The following TNS1 variants were observed in gnomAD, a reference collection of about 807,000 sequenced individuals.
TNS1 encodes the protein tensin 1, also known as tensin-1.
TNS1 carries 62 observed loss-of-function variants against 168.6 expected under a neutral mutation model. That is an observed-to-expected ratio of 0.37 (90% CI 0.30 to 0.45). The LOEUF is 0.45. Ranked by LOEUF, TNS1 falls within the 20% of genes least tolerant of loss-of-function variation. The probability of loss-of-function intolerance (pLI) is 1.00; values close to 1 mark genes in which losing one functional copy is unlikely to be tolerated. For missense variants in TNS1, 2,240 were observed against 2,339.4 expected, an observed-to-expected ratio of 0.96 and a Z score of 0.88; for synonymous variants, 934 against 933.2, an observed-to-expected ratio of 1.00 and a Z score of -0.02.
chr2:217,957,228 C>T (rs760987977), intron 3 of TNS1, among the ~76,000 whole-genome samples: 1 of 152,134 alleles, frequency 6.6e-6, no homozygotes, highest in Non-Finnish European at 1.5e-5. Context: ...GGCAGCCTTA[C>T]ATGGACATCT....
rs1221368868 is a variant in TNS1 at position 217,818,360 on chromosome 2, T to C, written c.3972A>G (p.Pro1324=). Residue 1324 remains proline, a synonymous_variant, in exon 24 of 33, where the codon CCA becomes CCG. Coordinates refer to ENST00000682258, the MANE Select transcript of TNS1 (RefSeq NM_001387777.1). ...PSLSHHQMMG[P]PGTGFHGSTV... is the part of the protein sequence containing the mutation. ...TGCTACCATGGAAGCCAGTGCCTGG[T>C]GGACCCATCATCTGGTGATGGCTCA... 1.9e-6 allele frequency: 3 copies of C among 1,614,182 alleles called. No homozygotes were observed. Among genetic ancestry groups the C allele is most frequent in the Non-Finnish European group, 2.5e-6 (3 of 1,180,042 alleles).
intron 1 of TNS1, chr2:217,992,324 T>C (rs1362189763): frequency 6.6e-6 from 1 of 152,198 alleles, no homozygotes; most frequent in Non-Finnish European, 1.5e-5. Context: ...CACAGAGACA[T>C]GATCCCAGCC....
intron 23 of TNS1, among the ~76,000 whole-genome samples, chr2:217,820,690 G>A (rs866987881): frequency 7.2e-5 from 11 of 152,078 alleles, no homozygotes; most frequent in African/African-American, 2.4e-4. Context: ...CCTGGCACTC[G>A]ATGCCTTGCC....
chr2:218,024,288 CAAAG>C (rs1336963824), intron 1 of TNS1, among the ~76,000 whole-genome samples: 2 of 152,120 alleles, frequency 1.3e-5, no homozygotes, highest in East Asian at 3.9e-4. Flanking sequence ...AAGAGAACCA[CAAAG>C]AAACCACCCA....
At chr2:217,908,991 A>G (rs1954025457) in intron 4 of TNS1, among the ~76,000 whole-genome samples, 1 of 152,020 alleles carries the variant, frequency 6.6e-6, no homozygotes, top group African/African-American at 2.4e-5. Flanking sequence ...TAACCCACTC[A>G]GGGTAAGTCA....
intron 3 of TNS1, among the ~76,000 whole-genome samples, chr2:217,933,153 C>T (rs996601397): frequency 7.2e-5 from 11 of 152,312 alleles, no homozygotes; most frequent in East Asian, 3.9e-4. Flanking sequence ...CTCCATTTGA[C>T]GCATATCCAC....
At chr2:217,829,312 G>A (rs535448881) in intron 22 of TNS1, among the ~76,000 whole-genome samples, 4 of 152,254 alleles carry the variant, frequency 2.6e-5, no homozygotes, top group South Asian at 4.2e-4. Flanking sequence ...TTGAACCTGG[G>A]AGGCAGAGGT....
chr2:217,816,211 T>C (rs1049903789), intron 24 of TNS1, among the ~76,000 whole-genome samples: 1 of 152,158 alleles, frequency 6.6e-6, no homozygotes, highest in African/African-American at 2.4e-5. Context: ...CATCAGGATG[T>C]GCGGCCCTCA....
At chr2:217,989,006 G>A (rs1412844939) in intron 2 of TNS1, among the ~76,000 whole-genome samples, 1 of 152,190 alleles carries the variant, frequency 6.6e-6, no homozygotes, top group African/African-American at 2.4e-5. Flanking sequence ...CATGGAGGGA[G>A]GGGCAAGAGA....
At chr2:217,915,624 G>T (rs553692863) in intron 4 of TNS1, among the ~76,000 whole-genome samples, 1 of 152,320 alleles carries the variant, frequency 6.6e-6, no homozygotes, top group Admixed American at 6.5e-5. Context: ...GGCAAACAGA[G>T]AAGCTAGCTG....
At position 217,845,789 on chromosome 2, in the gene TNS1, T is replaced by A. The variant is rs886698355; in HGVS notation, c.3007+1721A>T. ...GGCATCCTCCCAGGGCCATTAGGGTTATGGCCTCCTCTTGAGCAAGCTCCA... is the reference window on the plus strand; with the variant it reads ...GGCATCCTCCCAGGGCCATTAGGGTAATGGCCTCCTCTTGAGCAAGCTCCA... On this transcript the variant is annotated intron_variant, in intron 19 of 32. Transcript: ENST00000682258. Among the ~76,000 whole-genome samples the A allele has an allele frequency of 4.9e-4, 74 of 152,216 alleles. 1 individual carries two copies. The highest frequency in any genetic ancestry group is 1.8e-3 in the African/African-American group (73 of 41,454).
intron 3 of TNS1, among the ~76,000 whole-genome samples, chr2:217,978,123 C>A (rs981031771): frequency 1.3e-5 from 2 of 152,172 alleles, no homozygotes; most frequent in African/African-American, 4.8e-5. Flanking sequence ...CCAACCAGGG[C>A]CCAGCAATCC....
intron 3 of TNS1, among the ~76,000 whole-genome samples, chr2:217,958,462 G>A (rs1244749567): frequency 6.6e-6 from 1 of 152,202 alleles, no homozygotes; most frequent in Non-Finnish European, 1.5e-5. Flanking sequence ...CACGCTGGCG[G>A]TGGGTGGGTG....
In TNS1 at chr2:217,941,651, T is replaced by A. The variant is rs1241225655; in HGVS notation, c.187-21415A>T. On this transcript the variant is annotated intron_variant, in intron 3 of 32. Transcript: ENST00000682258. Reference sequence around the variant, plus strand: ...CTCCAAGTATCCCAGGCCCTCAGCATCCCAAGAGACCATCCAGGTCATCGC... The same window carrying A: ...CTCCAAGTATCCCAGGCCCTCAGCAACCCAAGAGACCATCCAGGTCATCGC... Among the ~76,000 whole-genome samples the A allele has an allele frequency of 2.0e-5, 3 of 152,196 alleles. No individual in the cohort carries two copies. The East Asian group carries it at 5.8e-4, about 29-fold the overall frequency.
chr2:217,882,096 C>G, intron 17 of TNS1: 1 of 373,382 alleles, frequency 2.7e-6, no homozygotes, highest in Non-Finnish European at 4.7e-6. Context: ...AGGCTGATGA[C>G]CTAATGGGAC....
chr2:217,962,481 C>T (rs1181763030), intron 3 of TNS1, among the ~76,000 whole-genome samples: 1 of 151,878 alleles, frequency 6.6e-6, no homozygotes, highest in Admixed American at 6.6e-5. Flanking sequence ...TGGGTCCTAC[C>T]AACACAAGGA....
In TNS1 at chr2:217,961,252, C is replaced by CAGAGAGAG. The variant is rs778105340; in HGVS notation, c.186+17512_186+17513insCTCTCTCT. 2.6e-4 allele frequency among the ~76,000 whole-genome samples: 37 copies of CAGAGAGAG among 141,748 alleles called. 1 individual carries two copies. Among genetic ancestry groups the CAGAGAGAG allele is most frequent in the African/African-American group, 8.8e-4 (33 of 37,560 alleles). The allele number at this position is 141,748 out of a possible 152,430, so 93.0% of individuals were successfully genotyped here. A position where few individuals can be genotyped will look rare whatever the true frequency, so the allele number is the denominator to read the frequency against. On this transcript the variant is annotated intron_variant, in intron 3 of 32. Coordinates refer to ENST00000682258, the MANE Select transcript of TNS1 (RefSeq NM_001387777.1). ...TCTCTCTCTCACACACACACACACA[C>CAGAGAGAG]ACACACACAGAGAGAGAGAGAGAGA...
At chr2:217,916,080 T>G (rs1954969782) in intron 4 of TNS1, among the ~76,000 whole-genome samples, 2 of 152,220 alleles carry the variant, frequency 1.3e-5, no homozygotes. Context: ...AGCACCTCCC[T>G]CATTGCACTG....
intron 18 of TNS1, among the ~76,000 whole-genome samples, chr2:217,873,834 A>G (rs1376355294): frequency 6.6e-6 from 1 of 152,230 alleles, no homozygotes; most frequent in Non-Finnish European, 1.5e-5. Flanking sequence ...ACTGGCAAAG[A>G]ACCCAAGAGA....
Sources: allele counts gnomAD v4.1 joint callset (sites outside exome capture counted in the v4.1 genomes callset), GRCh38; gene constraint gnomAD v4.1.1; transcripts MANE v1.5; gene names NCBI Gene and HGNC (gene_info 2026-07-23, HGNC 2026-07-21).